The following TBC1D8B variants were observed in gnomAD, a reference collection of about 807,000 sequenced individuals.
TBC1D8B encodes the protein TBC1 domain family member 8B, also known as RP11-321G1.1.
TBC1D8B carries 75 observed loss-of-function variants against 82.9 expected under a neutral mutation model. The ratio of observed to expected loss-of-function variants is 0.90; its 90% CI spans 0.75 to 1.10. The LOEUF (loss-of-function observed/expected upper bound fraction) is 1.10, where lower values mean the gene tolerates loss of function less well. Ranked by LOEUF, TBC1D8B falls within the 50% of genes least tolerant of loss-of-function variation. The pLI, the probability that TBC1D8B is intolerant of heterozygous loss-of-function variation, is 0.00. For missense variants in TBC1D8B, 794 were observed against 796.9 expected (o/e 1.00, Z 0.04); for synonymous variants, 276 against 276.8 (o/e 1.00, Z 0.03).
chrX:106,859,126 G>A lies in TBC1D8B; in HGVS notation c.2352+4830G>A, dbSNP rs188242886. Among the ~76,000 whole-genome samples the A allele has an allele frequency of 7.8e-4, 87 of 112,143 alleles. 1 individual carries two copies. Among genetic ancestry groups the A allele is most frequent in the Non-Finnish European group, 9.0e-4 (48 of 53,233 alleles). ...TTACTGTAGCCTTGTAGTATAGTTT[G>A]AAGGTGAATAACGTGATACCTCTAG... is the stretch of plus-strand genomic sequence containing the variant. On this transcript the variant is annotated intron_variant, in intron 14 of 20. Transcript: ENST00000357242.
chrX:106,868,517 C>A, intron 18 of TBC1D8B, 41 bp downstream of exon 18: 2 of 877,444 alleles, frequency 2.3e-6, no homozygotes, highest in Non-Finnish European at 1.5e-6. Context: ...TGATGATTAG[C>A]CACCCATAAA....
At position 106,843,672 on chromosome X, in the gene TBC1D8B, T is replaced by C. The variant is rs190709756; in HGVS notation, c.1719+2788T>C. On this transcript the variant is annotated intron_variant, in intron 10 of 20. Coordinates refer to ENST00000357242, the MANE Select transcript of TBC1D8B (RefSeq NM_017752.3). ...TGTTCTTTTCTAAGATTGTTTTGGCTCTTTTAGTTCCTTGTATTTCCATAC... is the reference window on the plus strand; with the variant it reads ...TGTTCTTTTCTAAGATTGTTTTGGCCCTTTTAGTTCCTTGTATTTCCATAC... Among the ~76,000 whole-genome samples the C allele has an allele frequency of 5.5e-4, 61 of 111,338 alleles. 1 individual carries two copies. The East Asian group carries it at 0.015, about 28-fold the overall frequency.
intron 7 of TBC1D8B, among the ~76,000 whole-genome samples, chrX:106,831,126 A>T (rs1242467406): frequency 1.8e-5 from 2 of 110,860 alleles, no homozygotes; most frequent in Non-Finnish European, 3.8e-5. Context: ...AATTATAGCT[A>T]TTTGTATTTT....
intron 7 of TBC1D8B, chrX:106,828,277 G>T (rs1470579435): frequency 8.8e-6 from 1 of 114,157 alleles, no homozygotes; most frequent in Non-Finnish European, 1.9e-5. Flanking sequence ...AATAACAGGA[G>T]CTGAAATTGT....
chrX:106,841,102 G>A (rs1352387272), intron 10 of TBC1D8B, among the ~76,000 whole-genome samples: 1 of 111,228 alleles, frequency 9.0e-6, no homozygotes, highest in Non-Finnish European at 1.9e-5. Context: ...TTGAACTTCT[G>A]CTCTATAAAA....
intron 2 of TBC1D8B, 106 bp downstream of exon 2, chrX:106,818,879 T>G: frequency 1.8e-6 from 1 of 569,817 alleles, no homozygotes; most frequent in Non-Finnish European, 2.7e-6. Flanking sequence ...TAAAAACAAA[T>G]TAAATGTGCA....
rs960029748 is a variant in TBC1D8B, at chrX:106,806,588, G to A, written c.130+3605G>A. On this transcript the variant is annotated intron_variant, in intron 1 of 20. Transcript: ENST00000357242. ...TAGTATATGGGATTTAGGAAGGTCT[G>A]CCAATCAGGAAGCCTTCATATAGGT... 8.1e-5 allele frequency among the ~76,000 whole-genome samples: 9 copies of A among 111,608 alleles called. No individual in the cohort carries two copies. In the Admixed American group the frequency reaches 8.6e-4, roughly 11 times the overall value.
chrX:106,831,152 A>G (rs762557500), intron 7 of TBC1D8B, among the ~76,000 whole-genome samples: 41 of 111,059 alleles, frequency 3.7e-4, no homozygotes, highest in African/African-American at 1.3e-3. Context: ...AAATTCAAAG[A>G]AAAACTAAAT....
intron 9 of TBC1D8B, 53 bp downstream of exon 9, chrX:106,840,251 A>G: frequency 2.7e-6 from 3 of 1,098,233 alleles, no homozygotes; most frequent in Non-Finnish European, 3.7e-6. Context: ...ATGCCTTTCT[A>G]GGAGTTATGC....
At chrX:106,850,397 C>T in intron 12 of TBC1D8B, 87 bp downstream of exon 12, 1 of 971,589 alleles carries the variant, frequency 1.0e-6, no homozygotes, top group African/African-American at 2.0e-5. Flanking sequence ...GAAACTGAGC[C>T]CTAGAAATTT....
chrX:106,871,323 C>T (rs1158943708), intron 20 of TBC1D8B, among the ~76,000 whole-genome samples: 6 of 110,753 alleles, frequency 5.4e-5, no homozygotes, highest in Non-Finnish European at 1.1e-4. Flanking sequence ...GAGAACTTTA[C>T]CAAAATGAAA....
chrX:106,856,855 C>T (rs1932708149), intron 14 of TBC1D8B, among the ~76,000 whole-genome samples: 1 of 111,327 alleles, frequency 9.0e-6, no homozygotes, highest in South Asian at 3.8e-4. Flanking sequence ...GGTTTTGCTG[C>T]TAATATGAAT....
chrX:106,810,836 A>C (rs1931347208), intron 1 of TBC1D8B, among the ~76,000 whole-genome samples: 1 of 111,515 alleles, frequency 9.0e-6, no homozygotes. Flanking sequence ...ACCTTTAAAC[A>C]TCTCTGAATG....
At chrX:106,817,604 ATATCTCAG>A (rs1181984474) in intron 1 of TBC1D8B, among the ~76,000 whole-genome samples, 1 of 111,808 alleles carries the variant, frequency 8.9e-6, no homozygotes, top group Non-Finnish European at 1.9e-5. Context: ...CATCCCCAAG[ATATCTCAG>A]TATGTGTATG....
At chrX:106,849,923 A>T in intron 11 of TBC1D8B, 102 bp from the exon 12 acceptor site, 2 of 1,078,957 alleles carry the variant, frequency 1.9e-6, no homozygotes, top group East Asian at 3.2e-5. Flanking sequence ...TAATTTAAGG[A>T]AGAAGAATGA....
chrX:106,839,544 T>G (rs974370761), intron 8 of TBC1D8B, 87 bp downstream of exon 8: 6 of 952,006 alleles, frequency 6.3e-6, no homozygotes, highest in Non-Finnish European at 8.3e-6. Flanking sequence ...GTATCACAAC[T>G]GAAAACTCTT....
At chrX:106,834,359 G>T (rs5962760) in intron 7 of TBC1D8B, among the ~76,000 whole-genome samples, 6,739 of 110,618 alleles carry the variant, frequency 0.061, 547 homozygotes, top group African/African-American at 0.21. Flanking sequence ...GGGAGAAACT[G>T]CCCATGATTC....
chrX:106,845,026 A>G (rs1932403819), intron 10 of TBC1D8B, among the ~76,000 whole-genome samples: 2 of 110,845 alleles, frequency 1.8e-5, no homozygotes, highest in Non-Finnish European at 3.8e-5. Context: ...TTTCATCATA[A>G]TCACTTATAA....
At chrX:106,809,923 C>G (rs1931317121) in intron 1 of TBC1D8B, among the ~76,000 whole-genome samples, 2 of 109,956 alleles carry the variant, frequency 1.8e-5, no homozygotes. Context: ...TAGTTCCAAC[C>G]CTTACGGAGT....
Sources: allele counts gnomAD v4.1 joint callset (sites outside exome capture counted in the v4.1 genomes callset), GRCh38; gene constraint gnomAD v4.1.1; transcripts MANE v1.5; gene names NCBI Gene and HGNC (gene_info 2026-07-23, HGNC 2026-07-21).